The following SLIT3 variants were observed in gnomAD, a reference collection of about 807,000 sequenced individuals.
The protein encoded by SLIT3 is slit guidance ligand 3, also known as slit homolog 3 protein.
A neutral mutation model predicts 184.0 loss-of-function variants in SLIT3; 68 were observed. The observed-to-expected ratio is 0.37, with a 90% confidence interval of 0.30 to 0.45. The LOEUF is 0.45. Among genes scored for constraint, SLIT3 ranks in the 20% least tolerant of loss-of-function variants. The pLI, the probability that SLIT3 is intolerant of heterozygous loss-of-function variation, is 1.00. For missense variants in SLIT3, 1,707 were observed against 2,026.0 expected (o/e 0.84, Z 3.02); for synonymous variants, 831 against 828.6 (o/e 1.00, Z -0.05).
chr5:168,753,032 T>C lies in SLIT3; in HGVS notation c.1896A>G (p.Arg632=), dbSNP rs1174496978. 6.2e-7 allele frequency: 1 copy of C among 1,613,738 alleles called. No individual in the cohort carries two copies. The highest frequency in any genetic ancestry group is 8.5e-7 in the Non-Finnish European group (1 of 1,179,916). Residue 632 remains arginine, a synonymous_variant, in exon 18 of 36, where the codon AGA becomes AGG. Coordinates refer to ENST00000519560, the MANE Select transcript of SLIT3 (RefSeq NM_003062.4). ...NDTFAGLSSV[R]LLSLYDNRIT... ...TCCGATTGTCATAGAGGGACAGCAG[T>C]CTCACCGAACTCAGGCCGGCAAAGG...
At chr5:169,125,025 TTTTTG>T (rs573682967) in intron 4 of SLIT3, among the ~76,000 whole-genome samples, 41 of 152,246 alleles carry the variant, frequency 2.7e-4, no homozygotes, top group Non-Finnish European at 5.1e-4. Context: ...TGTTTTTATT[TTTTTG>T]TTTTGTTTTG....
intron 23 of SLIT3, among the ~76,000 whole-genome samples, chr5:168,719,236 G>A (rs1762857591): frequency 6.6e-6 from 1 of 152,116 alleles, no homozygotes; most frequent in African/African-American, 2.4e-5. Flanking sequence ...ATTTTTAGTA[G>A]AGACAGGGTT....
At chr5:168,863,427 T>C (rs1759184086) in intron 5 of SLIT3, among the ~76,000 whole-genome samples, 1 of 152,200 alleles carries the variant, frequency 6.6e-6, no homozygotes, top group African/African-American at 2.4e-5. Context: ...TGCTGGTGAT[T>C]CGTTGTTGAA....
chr5:168,764,974 G>A (rs1436248066), intron 14 of SLIT3, among the ~76,000 whole-genome samples: 1 of 152,158 alleles, frequency 6.6e-6, no homozygotes, highest in African/African-American at 2.4e-5. Flanking sequence ...ACCTTCTCTT[G>A]TTCTCCGCAC....
chr5:169,216,913 C>T lies in SLIT3; in HGVS notation c.342-23363G>A, dbSNP rs112927030. On this transcript the variant is annotated intron_variant, in intron 3 of 35. Transcript: ENST00000519560. ...AGATGCGTGGCTCGGATGTTAATTG[C>T]TCATTAGCCATCTGTGTGTGCCGTA... Among the ~76,000 whole-genome samples, 139 of 152,154 alleles carry T rather than the reference C, an allele frequency of 9.1e-4. 2 individuals carry two copies. The highest frequency in any genetic ancestry group is 3.4e-3 in the Middle Eastern group (1 of 294).
intron 27 of SLIT3, among the ~76,000 whole-genome samples, chr5:168,697,722 C>T (rs895807656): frequency 5.3e-5 from 8 of 152,214 alleles, no homozygotes; most frequent in Admixed American, 5.2e-4. Context: ...CCAGGGGCCT[C>T]TCAGGTCTCA....
At chr5:168,802,935 A>T (rs1461111881) in intron 9 of SLIT3, among the ~76,000 whole-genome samples, 1 of 152,246 alleles carries the variant, frequency 6.6e-6, no homozygotes, top group Non-Finnish European at 1.5e-5. Flanking sequence ...CAGAAAAGTT[A>T]TCTGCCCATG....
At chr5:169,143,495 G>T (rs1461104215) in intron 4 of SLIT3, among the ~76,000 whole-genome samples, 1 of 152,192 alleles carries the variant, frequency 6.6e-6, no homozygotes, top group African/African-American at 2.4e-5. Flanking sequence ...AACTTTGTTT[G>T]CATAAATAGT....
At chr5:168,920,244 A>G (rs945999999) in intron 4 of SLIT3, among the ~76,000 whole-genome samples, 2 of 152,158 alleles carry the variant, frequency 1.3e-5, no homozygotes, top group East Asian at 1.9e-4. Context: ...AGCTATGCAC[A>G]CTTACCTGAT....
chr5:169,151,061 T>C (rs1762098716), intron 4 of SLIT3, among the ~76,000 whole-genome samples: 1 of 152,004 alleles, frequency 6.6e-6, no homozygotes, highest in African/African-American at 2.4e-5. Context: ...AAAATACAAT[T>C]TGGGACTTGG....
intron 4 of SLIT3, among the ~76,000 whole-genome samples, chr5:169,180,621 T>C (rs11951817): frequency 2.0e-5 from 3 of 152,298 alleles, no homozygotes; most frequent in Admixed American, 6.5e-5. Flanking sequence ...CTACCCAATA[T>C]GCACATCACT....
intron 4 of SLIT3, among the ~76,000 whole-genome samples, chr5:169,051,373 A>G (rs1471250265): frequency 6.6e-6 from 1 of 151,698 alleles, no homozygotes; most frequent in Non-Finnish European, 1.5e-5. Flanking sequence ...TGATTCTCAT[A>G]TTTAAGTTTC....
intron 26 of SLIT3, among the ~76,000 whole-genome samples, chr5:168,705,183 C>T (rs952407118): frequency 1.8e-4 from 27 of 152,330 alleles, no homozygotes; most frequent in African/African-American, 5.8e-4. Flanking sequence ...AATCACTGCA[C>T]TTGCCAACAG....
intron 4 of SLIT3, among the ~76,000 whole-genome samples, chr5:169,011,801 T>C (rs1756165540): frequency 6.6e-6 from 1 of 152,164 alleles, no homozygotes; most frequent in African/African-American, 2.4e-5. Flanking sequence ...AGCTGGTACT[T>C]TTGTTGTTGT....
chr5:169,136,671 G>A (rs1761513342), intron 4 of SLIT3, among the ~76,000 whole-genome samples: 1 of 152,156 alleles, frequency 6.6e-6, no homozygotes, highest in South Asian at 2.1e-4. Context: ...CAAGCCCAAT[G>A]CCTCAATGCC....
At chr5:169,043,874 C>A (rs1757532017) in intron 4 of SLIT3, among the ~76,000 whole-genome samples, 1 of 152,148 alleles carries the variant, frequency 6.6e-6, no homozygotes, top group Non-Finnish European at 1.5e-5. Flanking sequence ...ACTGGGAGCT[C>A]AAGATTGGGA....
chr5:169,159,762 C>A (rs893422845), intron 4 of SLIT3, among the ~76,000 whole-genome samples: 1 of 152,162 alleles, frequency 6.6e-6, no homozygotes, highest in Admixed American at 6.5e-5. Context: ...GGTGACAGAG[C>A]AAGACTCCGT....
At chr5:169,100,117 G>A (rs1011351826) in intron 4 of SLIT3, among the ~76,000 whole-genome samples, 2 of 152,200 alleles carry the variant, frequency 1.3e-5, no homozygotes, top group African/African-American at 4.8e-5. Context: ...AAACAGAGTA[G>A]AGTGTGTGGT....
At chr5:168,798,707 A>G (rs554960908) in intron 9 of SLIT3, among the ~76,000 whole-genome samples, 149 of 152,188 alleles carry the variant, frequency 9.8e-4, no homozygotes, top group African/African-American at 3.2e-3. Context: ...TGTACCTTCA[A>G]TGTAAAGTAA....
Sources: allele counts gnomAD v4.1 joint callset (sites outside exome capture counted in the v4.1 genomes callset), GRCh38; gene constraint gnomAD v4.1.1; transcripts MANE v1.5; gene names NCBI Gene and HGNC (gene_info 2026-07-23, HGNC 2026-07-21).